TRPC5: variants seen among roughly 807,000 people sequenced by gnomAD.
The protein encoded by TRPC5 is transient receptor potential cation channel subfamily C member 5.
A neutral mutation model predicts 56.5 loss-of-function variants in TRPC5; 9 were observed. That is an observed-to-expected ratio of 0.16 (90% CI 0.10 to 0.28). The LOEUF is 0.28. TRPC5 is among the 10% of genes least tolerant of loss of function. TRPC5 has a pLI of 1.00. For missense variants in TRPC5, 469 were observed against 748.9 expected (o/e 0.63, Z 4.36); for synonymous variants, 282 against 278.5 (o/e 1.01, Z -0.13).
intron 3 of TRPC5, among the ~76,000 whole-genome samples, chrX:111,888,693 C>CAAAAAAAAAAAAAAAAAAAAA (rs753735549): frequency 9.1e-5 from 1 of 10,983 alleles, no homozygotes; most frequent in African/African-American, 2.2e-4. Context: ...GACTCTATCT[C>CAAAAAAAAAAAAAAAAAAAAA]AAAAAAAAAA....
chrX:111,872,744 C>G (rs1441645795), intron 3 of TRPC5, among the ~76,000 whole-genome samples: 1 of 110,966 alleles, frequency 9.0e-6, no homozygotes, highest in Non-Finnish European at 1.9e-5. Context: ...GGCCAATAAA[C>G]ATATGAAAAA....
At chrX:112,066,914 G>C (rs1320910801) in intron 1 of TRPC5, among the ~76,000 whole-genome samples, 1 of 112,086 alleles carries the variant, frequency 8.9e-6, no homozygotes, top group Non-Finnish European at 1.9e-5. Flanking sequence ...TTTCAGTTCA[G>C]GGTTTATTTA....
At chrX:112,015,686 C>G (rs1356520243) in intron 1 of TRPC5, among the ~76,000 whole-genome samples, 1 of 111,534 alleles carries the variant, frequency 9.0e-6, no homozygotes, top group African/African-American at 3.3e-5. Context: ...AATTTTCAAG[C>G]ACTATAAGGG....
intron 7 of TRPC5, among the ~76,000 whole-genome samples, chrX:111,818,919 C>A (rs1302556940): frequency 9.0e-6 from 1 of 111,726 alleles, no homozygotes; most frequent in Non-Finnish European, 1.9e-5. Context: ...TCAAGCATAT[C>A]AGTAAATCTT....
chrX:111,789,235 G>A (rs1219497181), intron 7 of TRPC5, among the ~76,000 whole-genome samples: 2 of 111,554 alleles, frequency 1.8e-5, no homozygotes, highest in Non-Finnish European at 3.8e-5. Flanking sequence ...CAATGGAACA[G>A]AACAGAGGCC....
In TRPC5 at chrX:112,016,404, T is replaced by C. The variant is rs746847447; in HGVS notation, c.-21-63963A>G. On this transcript the variant is annotated intron_variant, in intron 1 of 10. Coordinates refer to ENST00000262839, the MANE Select transcript of TRPC5 (RefSeq NM_012471.3). ...GTGTGTGTGTATCTCAAGGAGAGACTGGCCCAACAATATCAACTTTAATAG... is the reference window on the plus strand; with the variant it reads ...GTGTGTGTGTATCTCAAGGAGAGACCGGCCCAACAATATCAACTTTAATAG... Among the ~76,000 whole-genome samples, 128 of 110,059 alleles carry C rather than the reference T, an allele frequency of 1.2e-3. 1 individual carries two copies. Among genetic ancestry groups the C allele is most frequent in the African/African-American group, 4.2e-3 (128 of 30,210 alleles).
At chrX:111,806,295 C>T (rs903630774) in intron 7 of TRPC5, among the ~76,000 whole-genome samples, 4 of 112,180 alleles carry the variant, frequency 3.6e-5, no homozygotes, top group Non-Finnish European at 5.6e-5. Context: ...AAGTTATGTG[C>T]CTCTGGCTCA....
intron 2 of TRPC5, among the ~76,000 whole-genome samples, chrX:111,946,648 GC>G (rs1926940477): frequency 8.9e-6 from 1 of 112,196 alleles, no homozygotes; most frequent in Non-Finnish European, 1.9e-5. Context: ...CAAGCCATGT[GC>G]TTTTCTGGAA....
chrX:111,790,814 G>A (rs894014121), intron 7 of TRPC5, among the ~76,000 whole-genome samples: 6 of 109,862 alleles, frequency 5.5e-5, no homozygotes, highest in African/African-American at 2.0e-4. Flanking sequence ...GAGGCCAAGA[G>A]TTCAAGACCA....
intron 1 of TRPC5, among the ~76,000 whole-genome samples, chrX:112,041,757 G>A (rs1929897984): frequency 8.9e-6 from 1 of 112,124 alleles, no homozygotes; most frequent in Non-Finnish European, 1.9e-5. Flanking sequence ...TCTTGCTGAA[G>A]TTTTGTTTGC....
intron 1 of TRPC5, among the ~76,000 whole-genome samples, chrX:111,976,396 C>T (rs1395979859): frequency 9.0e-6 from 1 of 110,940 alleles, no homozygotes; most frequent in African/African-American, 3.3e-5. Context: ...GAACTCCAGC[C>T]TGGAGTGCCA....
At chrX:111,828,085 A>T (rs1569526002) in intron 7 of TRPC5, among the ~76,000 whole-genome samples, 1 of 112,076 alleles carries the variant, frequency 8.9e-6, no homozygotes, top group Non-Finnish European at 1.9e-5. Context: ...ATTCATTTCT[A>T]TAGTGAGAGC....
chrX:112,031,343 C>T (rs1020348850), intron 1 of TRPC5, among the ~76,000 whole-genome samples: 1 of 111,672 alleles, frequency 9.0e-6, no homozygotes, highest in Non-Finnish European at 1.9e-5. Context: ...GTAATAGCTT[C>T]CCTGCTCTAC....
At chrX:111,923,731 T>A (rs1439441714) in intron 2 of TRPC5, among the ~76,000 whole-genome samples, 1 of 111,766 alleles carries the variant, frequency 8.9e-6, no homozygotes, top group Non-Finnish European at 1.9e-5. Flanking sequence ...AGATCTGACG[T>A]TTTCCAGGAA....
chrX:111,948,790 C>T (rs1030913718), intron 2 of TRPC5, among the ~76,000 whole-genome samples: 3 of 110,589 alleles, frequency 2.7e-5, no homozygotes, highest in African/African-American at 6.6e-5. Flanking sequence ...CAGAACTGAG[C>T]TCTCTTTCTG....
intron 1 of TRPC5, among the ~76,000 whole-genome samples, chrX:112,002,688 G>C (rs868243146): frequency 9.0e-6 from 1 of 111,495 alleles, no homozygotes; most frequent in Non-Finnish European, 1.9e-5. Flanking sequence ...ACTCTTGACA[G>C]GGTATTTTTC....
chrX:112,071,143 G>A (rs1174533267), intron 1 of TRPC5, among the ~76,000 whole-genome samples: 1 of 108,787 alleles, frequency 9.2e-6, no homozygotes, highest in Non-Finnish European at 1.9e-5. Flanking sequence ...ACAAACAAAC[G>A]AAACAAAAAA....
At chrX:112,057,114 C>A (rs1220668135) in intron 1 of TRPC5, among the ~76,000 whole-genome samples, 1 of 111,599 alleles carries the variant, frequency 9.0e-6, no homozygotes, top group African/African-American at 3.3e-5. Flanking sequence ...TGCCTAAATG[C>A]TCAGAAGAGT....
At position 111,921,382 on chromosome X, in the gene TRPC5, A is replaced by T. The variant is rs1009968935; in HGVS notation, c.379-8570T>A. ...GGCCTACCTACTGGTTCCCTCATTA[A>T]TTAATGAGTTGAATAAAATCTTTGT... On this transcript the variant is annotated intron_variant, in intron 2 of 10. Transcript: ENST00000262839. Among the ~76,000 whole-genome samples, 5 of 111,680 alleles carry T rather than the reference A, an allele frequency of 4.5e-5. No homozygotes were observed. In the South Asian group the frequency reaches 1.9e-3, roughly 42 times the overall value.
Sources: allele counts gnomAD v4.1 joint callset (sites outside exome capture counted in the v4.1 genomes callset), GRCh38; gene constraint gnomAD v4.1.1; transcripts MANE v1.5; gene names NCBI Gene and HGNC (gene_info 2026-07-23, HGNC 2026-07-21).